The following C10orf53 variants were observed in gnomAD, a reference collection of about 807,000 sequenced individuals.
C10orf53 encodes the protein chromosome 10 open reading frame 53.
C10orf53 carries 8 observed loss-of-function variants against 9.4 expected under a neutral mutation model. The ratio of observed to expected loss-of-function variants is 0.85; its 90% CI spans 0.50 to 1.53. The LOEUF is 1.53. C10orf53 is among the 40% of genes most tolerant of loss of function. The probability of loss-of-function intolerance (pLI) is 0.00; values close to 1 mark genes in which losing one functional copy is unlikely to be tolerated. For missense variants in C10orf53, 117 were observed against 117.8 expected (o/e 0.99, Z 0.03); for synonymous variants, 48 against 46.0 (o/e 1.04, Z -0.18).
chr10:49,685,340 T>C (rs965464184), intron 1 of C10orf53, among the ~76,000 whole-genome samples: 2 of 152,226 alleles, frequency 1.3e-5, no homozygotes, highest in Admixed American at 1.3e-4. Context: ...TTAGATAATT[T>C]TGCCCAGCTG....
chr10:49,687,220 G>A lies in C10orf53; in HGVS notation c.98-6554G>A, dbSNP rs577019315. ...TTGCTGACATAAGTTCCTTGCTCCT[G>A]CCACAACCAGCATGATTGTAGGAGT... On this transcript the variant is annotated intron_variant, in intron 1 of 2. Transcript: ENST00000374111. Among the ~76,000 whole-genome samples the A allele has an allele frequency of 6.6e-5, 10 of 152,272 alleles. 1 individual carries two copies. The highest frequency in any genetic ancestry group is 1.9e-4 in the African/African-American group (8 of 41,552).
At chr10:49,689,021 CT>C (rs1429224220) in intron 1 of C10orf53, among the ~76,000 whole-genome samples, 3 of 152,176 alleles carry the variant, frequency 2.0e-5, no homozygotes, top group Non-Finnish European at 4.4e-5. Flanking sequence ...GGCAGGAGTT[CT>C]TTTCTGGTTC....
rs1243785324 is a variant in C10orf53, at chr10:49,696,119, A to G, written c.*1517A>G. 2 of 152,186 alleles carry G rather than the reference A, an allele frequency of 1.3e-5. No individual in the cohort carries two copies. The highest frequency in any genetic ancestry group is 4.8e-5 in the African/African-American group (2 of 41,446). The allele number at this position is 152,186 out of a possible 1,614,324, so 9.4% of individuals were successfully genotyped here. A position where few individuals can be genotyped will look rare whatever the true frequency, so the allele number is the denominator to read the frequency against. ...AGATAGACATATAGAAATTGACTTC[A>G]TCCATTTGAGATTTATGCACAATTT... On this transcript the variant is annotated 3_prime_UTR_variant, in exon 3 of 3. Coordinates refer to ENST00000374111, the MANE Select transcript of C10orf53 (RefSeq NM_001042427.3).
chr10:49,709,951 GTGTGTGTGTGTGTGTGTGTGTC>G (rs1166022866), exon 3 of C10orf53: 2 of 85,510 alleles, frequency 2.3e-5, no homozygotes, highest in Admixed American at 1.2e-4. Context: ...ATATCTGTGT[GTGTGTGTGTGTGTGTGTGTGTC>G]TGTGTGTGTG....
chr10:49,693,954 T>G (rs1291002481), intron 2 of C10orf53, 61 bp downstream of exon 2: 1 of 1,607,168 alleles, frequency 6.2e-7, no homozygotes, highest in African/African-American at 1.3e-5. Context: ...TCCCTCAATT[T>G]CTAGTTGAAA....
chr10:49,698,334 A>C (rs1840653603), downstream of C10orf53, among the ~76,000 whole-genome samples: 1 of 152,152 alleles, frequency 6.6e-6, no homozygotes. Context: ...AGGGCCATAT[A>C]CAAGGGAACT....
chr10:49,689,204 G>C (rs555589306), intron 1 of C10orf53, among the ~76,000 whole-genome samples: 1 of 152,250 alleles, frequency 6.6e-6, no homozygotes, highest in Admixed American at 6.5e-5. Flanking sequence ...ACAGCCCCCC[G>C]AGGGCAGGGT....
chr10:49,697,770 T>C (rs76332195), downstream of C10orf53, among the ~76,000 whole-genome samples: 782 of 152,284 alleles, frequency 5.1e-3, 7 homozygotes, highest in Middle Eastern at 0.017. Flanking sequence ...CAGGCTGGTC[T>C]CCTGACCTCA....
chr10:49,688,116 T>A (rs907523641), intron 1 of C10orf53, among the ~76,000 whole-genome samples: 11 of 152,216 alleles, frequency 7.2e-5, no homozygotes, highest in African/African-American at 2.6e-4. Flanking sequence ...CACTGCCATG[T>A]TGAGTAGGCA....
At chr10:49,700,650 A>G (rs1840675523), downstream of C10orf53, among the ~76,000 whole-genome samples, 1 of 152,152 alleles carries the variant, frequency 6.6e-6, no homozygotes, top group South Asian at 2.1e-4. Context: ...TGGAGCTGTG[A>G]TGTGGAGATG....
At chr10:49,680,461 G>T (rs1430172287) in intron 1 of C10orf53, among the ~76,000 whole-genome samples, 5 of 152,232 alleles carry the variant, frequency 3.3e-5, no homozygotes, top group African/African-American at 1.2e-4. Context: ...ACCAGGTAAA[G>T]AGAGGAATGC....
chr10:49,707,048 G>A (rs932500972), intron 2 of C10orf53, among the ~76,000 whole-genome samples: 2 of 150,400 alleles, frequency 1.3e-5, no homozygotes, highest in Middle Eastern at 3.4e-3. Context: ...ATGCTACTTT[G>A]TTAGCATACA....
intron 1 of C10orf53, among the ~76,000 whole-genome samples, chr10:49,692,027 G>A (rs1267276431): frequency 2.6e-5 from 4 of 152,176 alleles, no homozygotes; most frequent in African/African-American, 7.2e-5. Context: ...CAGCTCCGCC[G>A]TCCTGAGGGG....
exon 3 of C10orf53, chr10:49,708,730 C>T (rs1351236168): frequency 1.0e-5 from 15 of 1,474,208 alleles, no homozygotes; most frequent in Admixed American, 2.3e-5. Context: ...AAAATTGTCC[C>T]ACATCTCCCG....
chr10:49,688,318 A>T (rs1262302752), intron 1 of C10orf53, among the ~76,000 whole-genome samples: 1 of 152,028 alleles, frequency 6.6e-6, no homozygotes, highest in Non-Finnish European at 1.5e-5. Flanking sequence ...ACAATTTGTC[A>T]GCTCTGCCCT....
At position 49,693,894 on chromosome 10, in the gene C10orf53, G is replaced by T; in HGVS notation, c.217+1G>T. 6.2e-7 allele frequency: 1 copy of T among 1,614,254 alleles called. No individual in the cohort carries two copies. The highest frequency in any genetic ancestry group is 8.5e-7 in the Non-Finnish European group (1 of 1,180,044). The stretch of plus-strand genomic sequence containing the variant: ...TGCAACATTAAGGACTTGGAGTTCG[G>T]TAAGCCCTTTGGCGATGCTTCCAGC... On this transcript the variant is annotated splice_donor_variant, in intron 2 of 2. Transcript: ENST00000374111. LOFTEE classifies it high-confidence loss of function.
At chr10:49,702,216 G>A (rs749377953), downstream of C10orf53, among the ~76,000 whole-genome samples, 127 of 50,138 alleles carry the variant, frequency 2.5e-3, 1 homozygote, top group Non-Finnish European at 5.6e-3. Flanking sequence ...CAAAGAAAAG[G>A]AAGGAAGGAA....
intron 2 of C10orf53, chr10:49,694,250 A>C: frequency 1.7e-6 from 1 of 580,878 alleles, no homozygotes; most frequent in Admixed American, 3.3e-5. Flanking sequence ...CCACTTGTTT[A>C]TTCTATCTAG....
downstream of C10orf53, among the ~76,000 whole-genome samples, chr10:49,698,177 C>G (rs1361886405): frequency 6.6e-6 from 1 of 152,142 alleles, no homozygotes; most frequent in Non-Finnish European, 1.5e-5. Flanking sequence ...GTAGTCCCAG[C>G]TATTTGGTAG....
Sources: allele counts gnomAD v4.1 joint callset (sites outside exome capture counted in the v4.1 genomes callset), GRCh38; gene constraint gnomAD v4.1.1; transcripts MANE v1.5; gene names NCBI Gene and HGNC (gene_info 2026-07-23, HGNC 2026-07-21).